Variants in HSPA4L observed in about 807,000 individuals in gnomAD.
HSPA4L encodes heat shock 70 kDa protein 4L.
A neutral mutation model predicts 100.3 loss-of-function variants in HSPA4L; 48 were observed. The ratio of observed to expected loss-of-function variants is 0.48; its 90% confidence interval spans 0.38 to 0.61. The LOEUF is 0.61. Ranked by LOEUF, HSPA4L falls within the 20% of genes least tolerant of loss-of-function variation. The pLI is 0.00. For missense variants in HSPA4L, 886 were observed against 988.6 expected (o/e 0.90, Z 1.39); for synonymous variants, 319 against 328.2 (o/e 0.97, Z 0.30).
At chr4:127,812,206 G>A (rs1047398125) in intron 12 of HSPA4L, among the ~76,000 whole-genome samples, 2 of 151,710 alleles carry the variant, frequency 1.3e-5, no homozygotes, top group Non-Finnish European at 2.9e-5. Context: ...TCAGGAGATC[G>A]AGACCATCCT....
chr4:127,811,500 A>C lies in HSPA4L; in HGVS notation c.1442A>C (p.Lys481Thr). The C allele has an allele frequency of 6.2e-7, 1 of 1,614,036 alleles. No individual in the cohort carries two copies. The highest frequency in any genetic ancestry group is 8.5e-7 in the Non-Finnish European group (1 of 1,179,948). The change falls in exon 12 of 19, where the codon AAA becomes ACA. Residue 481 changes from lysine (K) to threonine (T), a missense_variant. Coordinates refer to ENST00000296464, the MANE Select transcript of HSPA4L (RefSeq NM_014278.4). ...GGTGATAGTTCCAAAGTGAAGGTTA[A>C]AGTTCGTGTTAACATCCATGGAATC... ...SDGDSSKVKVKVRVNIHGIFS... is the reference protein window; with the variant it reads ...SDGDSSKVKVTVRVNIHGIFS...
Position 127,801,070 on chromosome 4 carries a change from A to G in HSPA4L, c.430-68A>G, listed in dbSNP as rs551863462. 59 of 1,158,326 alleles carry G rather than the reference A, an allele frequency of 5.1e-5. No individual in the cohort carries two copies. The East Asian group carries it at 1.4e-3, about 27-fold the overall frequency. The allele number at this position is 1,158,326 out of a possible 1,614,324, so 71.8% of individuals were successfully genotyped here. ...TAAACTGTACATAAGTTTTAGGGTA[A>G]TTATATTTTTCAGTTGACAAAATGT... On this transcript the variant is annotated intron_variant, in intron 4 of 18. Transcript: ENST00000296464.
At chr4:127,823,187 C>T (rs1210377590) in intron 15 of HSPA4L, among the ~76,000 whole-genome samples, 1 of 152,050 alleles carries the variant, frequency 6.6e-6, no homozygotes, top group Non-Finnish European at 1.5e-5. Flanking sequence ...CTAGCTCTGT[C>T]GCCCAGGCTG....
chr4:127,805,537 T>C, intron 9 of HSPA4L, 150 bp from the exon 10 acceptor site: 1 of 570,924 alleles, frequency 1.8e-6, no homozygotes, highest in Non-Finnish European at 3.0e-6. Context: ...ACTCAGGCCC[T>C]TTTAAATTTT....
rs141603411 is a variant in HSPA4L, at chr4:127,821,135, G to C, written c.1812+570G>C. ...TTCCTAATTTTTACAAGCTCAGCTG[G>C]CATTAAAAGGTCAGTCTTCTGACTT... On this transcript the variant is annotated intron_variant, in intron 14 of 18. Transcript: ENST00000296464. Among the ~76,000 whole-genome samples the C allele has an allele frequency of 4.7e-4, 72 of 152,140 alleles. 3 individuals are homozygous for C. In the East Asian group the frequency reaches 0.012, roughly 26 times the overall value.
At chr4:127,812,333 C>T (rs1733553742) in intron 12 of HSPA4L, among the ~76,000 whole-genome samples, 1 of 149,258 alleles carries the variant, frequency 6.7e-6, no homozygotes. Flanking sequence ...GGCGTGAACC[C>T]GGGAGGCGGA....
intron 17 of HSPA4L, among the ~76,000 whole-genome samples, chr4:127,828,573 C>A (rs538713004): frequency 2.0e-5 from 3 of 152,208 alleles, no homozygotes; most frequent in Admixed American, 6.5e-5. Flanking sequence ...CTTTCCACTA[C>A]ACAAAATTGA....
chr4:127,805,048 T>C, intron 8 of HSPA4L, 25 bp from the exon 9 acceptor site: 1 of 1,522,764 alleles, frequency 6.6e-7, no homozygotes, highest in Non-Finnish European at 8.9e-7. Context: ...GACTATCATT[T>C]TTCTCAATTA....
At chr4:127,815,667 A>T (rs1200618554) in intron 12 of HSPA4L, among the ~76,000 whole-genome samples, 3 of 151,896 alleles carry the variant, frequency 2.0e-5, no homozygotes, top group African/African-American at 7.3e-5. Context: ...ATATTTGCTT[A>T]TGTGTAGCCA....
rs1405318010 is a variant in HSPA4L at position 127,838,355 on chromosome 4, C to T, written c.*5481C>T. On this transcript the variant is annotated 3_prime_UTR_variant, in exon 19 of 19. Transcript: ENST00000296464. ...TCCTTATCCCTAAAGATACTTCCAA[C>T]ATATTGTTAGAGTAAGTATTAAAAG... The T allele has an allele frequency of 1.3e-5, 2 of 152,130 alleles. No homozygotes were observed. The highest frequency in any genetic ancestry group is 2.9e-5 in the Non-Finnish European group (2 of 68,036). 9.4% of individuals were successfully genotyped at this position (152,130 alleles called of 1,614,324 possible). A position where few individuals can be genotyped will look rare whatever the true frequency, so the allele number is the denominator to read the frequency against.
chr4:127,809,105 G>A (rs369353810), intron 11 of HSPA4L: 11 of 611,220 alleles, frequency 1.8e-5, no homozygotes, highest in East Asian at 1.3e-4. Context: ...CGGAGTTCTT[G>A]CATCCCAGGT....
Position 127,838,659 on chromosome 4 carries a change from C to T in HSPA4L, c.*5785C>T, listed in dbSNP as rs1019020635. 5 of 152,178 alleles carry T rather than the reference C, an allele frequency of 3.3e-5. No individual in the cohort carries two copies. Among genetic ancestry groups the T allele is most frequent in the Non-Finnish European group, 5.9e-5 (4 of 68,022 alleles). 9.4% of individuals were successfully genotyped at this position (152,178 alleles called of 1,614,324 possible). A position where few individuals can be genotyped will look rare whatever the true frequency, so the allele number is the denominator to read the frequency against. On this transcript the variant is annotated 3_prime_UTR_variant, in exon 19 of 19. Transcript: ENST00000296464. ...CAACATGTTTTAAATAATTTAATTG[C>T]ATTATAGCATATAAACTATAAATGA...
rs1167471678 is a variant in HSPA4L at position 127,836,445 on chromosome 4, C to T, written c.*3571C>T. On this transcript the variant is annotated 3_prime_UTR_variant, in exon 19 of 19. Coordinates refer to ENST00000296464, the MANE Select transcript of HSPA4L (RefSeq NM_014278.4). ...AGCTAAAGGAAAGAATTAAAGGTTTCTTATGCTTTTTTGGGGGGGGGTGTC... is the reference window on the plus strand; with the variant it reads ...AGCTAAAGGAAAGAATTAAAGGTTTTTTATGCTTTTTTGGGGGGGGGTGTC... 1 of 150,152 alleles carries T rather than the reference C, an allele frequency of 6.7e-6. No individual in the cohort carries two copies. The highest frequency in any genetic ancestry group is 2.2e-4 in the East Asian group (1 of 4,618). 9.3% of individuals were successfully genotyped at this position (150,152 alleles called of 1,614,324 possible).
rs143896327 is a variant in HSPA4L at position 127,814,155 on chromosome 4, G to A, written c.1578+2519G>A. Among the ~76,000 whole-genome samples the A allele has an allele frequency of 6.0e-4, 91 of 152,178 alleles. 1 individual carries two copies. The East Asian group carries it at 0.017, about 29-fold the overall frequency. ...TGATTTCTGTATGTGAACTAAGTGG[G>A]TTCACCTGTGAATAAAGTGCATGGA... On this transcript the variant is annotated intron_variant, in intron 12 of 18. Coordinates refer to ENST00000296464, the MANE Select transcript of HSPA4L (RefSeq NM_014278.4).
At chr4:127,785,715 G>A (rs143772529) in intron 1 of HSPA4L, among the ~76,000 whole-genome samples, 7 of 152,216 alleles carry the variant, frequency 4.6e-5, no homozygotes, top group African/African-American at 7.2e-5. Flanking sequence ...GGGATTACAG[G>A]TGTGAGCCAC....
chr4:127,827,927 C>T (rs1004960892), intron 17 of HSPA4L, among the ~76,000 whole-genome samples: 9 of 152,156 alleles, frequency 5.9e-5, no homozygotes, highest in African/African-American at 1.7e-4. Context: ...CTTAATCTTT[C>T]CACTGTCAAA....
chr4:127,803,162 G>T (rs1331975237), intron 6 of HSPA4L, among the ~76,000 whole-genome samples: 2 of 151,834 alleles, frequency 1.3e-5, no homozygotes, highest in East Asian at 1.9e-4. Flanking sequence ...CTGTTTTTTT[G>T]TAATAGTCAA....
At position 127,837,353 on chromosome 4, in the gene HSPA4L, T is replaced by A. The variant is rs1734233952; in HGVS notation, c.*4479T>A. 1 of 152,234 alleles carries A rather than the reference T, an allele frequency of 6.6e-6. No homozygotes were observed. Among genetic ancestry groups the A allele is most frequent in the African/African-American group, 2.4e-5 (1 of 41,468 alleles). The allele number at this position is 152,234 out of a possible 1,614,324, so 9.4% of individuals were successfully genotyped here. On this transcript the variant is annotated 3_prime_UTR_variant, in exon 19 of 19. Coordinates refer to ENST00000296464, the MANE Select transcript of HSPA4L (RefSeq NM_014278.4). Reference sequence around the variant, plus strand: ...TGTGATATTTTATTGTATAAACTGTTAATGAGAGGCACAGCTAATTGTACA... The same window carrying A: ...TGTGATATTTTATTGTATAAACTGTAAATGAGAGGCACAGCTAATTGTACA...
intron 18 of HSPA4L, among the ~76,000 whole-genome samples, chr4:127,831,468 G>A (rs7684815): frequency 3.5e-5 from 5 of 143,458 alleles, no homozygotes; most frequent in African/African-American, 5.2e-5. Flanking sequence ...GCCACTGCAC[G>A]CCAGCTGGGT....
Sources: allele counts gnomAD v4.1 joint callset (sites outside exome capture counted in the v4.1 genomes callset), GRCh38; gene constraint gnomAD v4.1.1; transcripts MANE v1.5; gene names NCBI Gene and HGNC (gene_info 2026-07-23, HGNC 2026-07-21).